Variants in MRPL43 observed in about 807,000 individuals in gnomAD.
The protein encoded by MRPL43 is large ribosomal subunit protein mL43.
MRPL43 carries 9 observed loss-of-function variants against 12.7 expected under a neutral mutation model. The observed-to-expected ratio is 0.71, with a 90% CI of 0.43 to 1.24. The LOEUF (loss-of-function observed/expected upper bound fraction) is 1.24, where lower values mean the gene tolerates loss of function less well. Ranked by LOEUF, MRPL43 falls within the 50% of genes most tolerant of loss-of-function variation. The probability of loss-of-function intolerance (pLI) is 0.00; values close to 1 mark genes in which losing one functional copy is unlikely to be tolerated. For missense variants in MRPL43, 211 were observed against 229.2 expected, an observed-to-expected ratio of 0.92 and a Z score of 0.51; for synonymous variants, 116 against 96.4, an observed-to-expected ratio of 1.20 and a Z score of -1.19.
downstream of MRPL43, chr10:100,978,648 G>T (rs778462077): frequency 2.5e-6 from 4 of 1,611,028 alleles, no homozygotes; most frequent in South Asian, 4.4e-5. Flanking sequence ...ATGGTTAGGA[G>T]GATGAGGCAC....
At chr10:100,979,111 G>A, downstream of MRPL43, 1 of 1,614,114 alleles carries the variant, frequency 6.2e-7, no homozygotes, top group South Asian at 1.1e-5. Context: ...GGGAGACCTG[G>A]GAGGGAAGAA....
downstream of MRPL43, chr10:100,984,794 G>A: frequency 6.5e-7 from 1 of 1,535,646 alleles, no homozygotes; most frequent in Non-Finnish European, 8.7e-7. Flanking sequence ...GAACGGGCCA[G>A]CCTGGGGAGG....
downstream of MRPL43, chr10:100,980,017 T>C: frequency 6.2e-7 from 1 of 1,613,782 alleles, no homozygotes; most frequent in Non-Finnish European, 8.5e-7. Flanking sequence ...CTGGGGCCAG[T>C]GCTGAGTAGA....
chr10:100,982,082 G>GA (rs1385906472), downstream of MRPL43, among the ~76,000 whole-genome samples: 1 of 144,214 alleles, frequency 6.9e-6, no homozygotes, highest in Non-Finnish European at 1.5e-5. Flanking sequence ...AAAAAAGAAA[G>GA]AAAAAAGAAT....
downstream of MRPL43, chr10:100,978,663 T>C: frequency 6.2e-7 from 1 of 1,601,764 alleles, no homozygotes; most frequent in Non-Finnish European, 8.6e-7. Context: ...AGGCACAGGA[T>C]GATGGGGGGT....
downstream of MRPL43, chr10:100,980,419 G>A: frequency 6.8e-7 from 1 of 1,474,738 alleles, no homozygotes; most frequent in Non-Finnish European, 9.4e-7. Context: ...TTCCTGCCAT[G>A]ACTAGTCTGG....
chr10:100,984,649 GC>G, downstream of MRPL43: 1 of 1,536,160 alleles, frequency 6.5e-7, no homozygotes, highest in Non-Finnish European at 8.7e-7. Context: ...GGGCTGCAGT[GC>G]CCCCACCCTC....
rs898119976 is a variant in MRPL43 at position 100,986,361 on chromosome 10, C to T, written c.*373G>A. 3.4e-5 allele frequency: 49 copies of T among 1,452,206 alleles called. No individual in the cohort carries two copies. In the African/African-American group the frequency reaches 6.3e-4, roughly 19 times the overall value. The allele number at this position is 1,452,206 out of a possible 1,614,324, so 90.0% of individuals were successfully genotyped here. On this transcript the variant is annotated 3_prime_UTR_variant, in exon 3 of 3. Transcript: ENST00000318364. ...CCTAGCCCATCACAGCAGAGCTCTC[C>T]GTAGCTCAGTGGTTGTTCCAATAAG...
At chr10:100,978,655 G>A (rs1314825521), downstream of MRPL43, 6 of 1,607,210 alleles carry the variant, frequency 3.7e-6, no homozygotes, top group Non-Finnish European at 5.1e-6. Flanking sequence ...GGAGGATGAG[G>A]CACAGGATGA....
In MRPL43 at chr10:100,986,869, G is replaced by A; in HGVS notation, c.345C>T (p.Ile115=). 1.2e-6 allele frequency: 2 copies of A among 1,613,648 alleles called. No individual in the cohort carries two copies. Among genetic ancestry groups the A allele is most frequent in the Non-Finnish European group, 1.7e-6 (2 of 1,180,036 alleles). The change falls in exon 3 of 3, where the codon ATC becomes ATT. Residue 115 remains isoleucine, a synonymous_variant. Transcript: ENST00000318364. The part of the protein sequence containing the change: ...ADQSGLDVIR[I]RKPFHTDNPS... ...GGTTGTCGGTGTGGAAGGGCTTGCG[G>A]ATGCGGATCACGTCCAAGCCCGACT... is the stretch of plus-strand genomic sequence containing the variant.
chr10:100,984,546 G>A (rs1446522565), downstream of MRPL43: 1 of 1,536,068 alleles, frequency 6.5e-7, no homozygotes, highest in Non-Finnish European at 8.7e-7. Context: ...ATGGCCCTGT[G>A]TGCTGGATGG....
downstream of MRPL43, chr10:100,978,266 C>G: frequency 6.4e-7 from 1 of 1,574,656 alleles, no homozygotes; most frequent in Middle Eastern, 2.0e-4. Context: ...GTCTTCGGAA[C>G]CACTTACTGC....
downstream of MRPL43, chr10:100,984,655 AC>A: frequency 2.6e-6 from 4 of 1,535,928 alleles, no homozygotes; most frequent in South Asian, 4.8e-5. Flanking sequence ...CAGTGCCCCC[AC>A]CCTCACCTTC....
downstream of MRPL43, chr10:100,978,008 CT>C: frequency 1.8e-6 from 1 of 571,118 alleles, no homozygotes; most frequent in South Asian, 2.1e-5. Flanking sequence ...CCTTGATCCC[CT>C]GGACAGCATG....
downstream of MRPL43, among the ~76,000 whole-genome samples, chr10:100,982,364 G>C (rs1048627300): frequency 2.0e-5 from 3 of 152,242 alleles, no homozygotes; most frequent in Non-Finnish European, 4.4e-5. Flanking sequence ...GGCATGATCA[G>C]ATTTGTGTTT....
At chr10:100,980,007 C>T (rs376040935), downstream of MRPL43, 28 of 1,613,932 alleles carry the variant, frequency 1.7e-5, no homozygotes, top group Non-Finnish European at 2.4e-5. Flanking sequence ...GTGCCCAGGC[C>T]TGGGGCCAGT....
chr10:100,985,276 T>C (rs919060865), downstream of MRPL43: 7 of 183,388 alleles, frequency 3.8e-5, no homozygotes, highest in Non-Finnish European at 5.7e-5. Context: ...CTCCTACCCC[T>C]GTCCTACCTC....
downstream of MRPL43, chr10:100,979,409 A>G (rs1164044499): frequency 1.2e-5 from 19 of 1,572,132 alleles, no homozygotes; most frequent in African/African-American, 1.4e-4. Context: ...TTTAAGAGGG[A>G]GTCTTGCTCT....
downstream of MRPL43, chr10:100,980,217 T>A (rs1170412118): frequency 6.2e-7 from 1 of 1,614,234 alleles, no homozygotes. Context: ...CACTGATGGC[T>A]CGGCCCGTTG....
Sources: allele counts gnomAD v4.1 joint callset (sites outside exome capture counted in the v4.1 genomes callset), GRCh38; gene constraint gnomAD v4.1.1; transcripts MANE v1.5; gene names NCBI Gene and HGNC (gene_info 2026-07-23, HGNC 2026-07-21).